Variants in MYBBP1A observed in about 807,000 individuals in gnomAD.
MYBBP1A encodes myb-binding protein 1A.
In MYBBP1A, 147 loss-of-function variants were observed where a neutral mutation model predicts 136.3. That is an observed-to-expected ratio of 1.08 (90% CI 0.94 to 1.24). MYBBP1A has a LOEUF of 1.24. Among genes scored for constraint, MYBBP1A ranks in the 50% most tolerant of loss-of-function variants. MYBBP1A has a pLI of 0.00. For missense variants in MYBBP1A, 2,060 were observed against 1,727.4 expected, an observed-to-expected ratio of 1.19 and a Z score of -3.41; for synonymous variants, 947 against 735.8, an observed-to-expected ratio of 1.29 and a Z score of -4.65.
rs1907615780 is a variant in MYBBP1A at position 4,552,524 on chromosome 17, G to A, written c.664C>T (p.Gln222Ter). ...PEQLELFLLAQQKVPSKLKKL... is the reference protein window; with the variant it reads ...PEQLELFLLA ...TTGAGCTTGGAGGGCACCTTCTGCT[G>A]GGCCAGGAGGAAGAGCTCTAGCTGT... Residue 222 changes from glutamine to a stop codon, truncating the protein, a stop_gained, in exon 6 of 26, where the codon CAG (glutamine) becomes TAG (stop). Coordinates refer to ENST00000254718, the MANE Select transcript of MYBBP1A (RefSeq NM_014520.4). LOFTEE classifies it high-confidence loss of function. This position sits in a 1 kb window ranked among gnomAD's most constrained non-coding sequence, Gnocchi z 4.7. 1.2e-6 allele frequency: 2 copies of A among 1,614,002 alleles called. No homozygotes were observed. Among genetic ancestry groups the A allele is most frequent in the Admixed American group, 1.7e-5 (1 of 60,026 alleles).
intron 22 of MYBBP1A, 119 bp downstream of exon 22, chr17:4,542,345 G>C: frequency 8.5e-7 from 1 of 1,181,304 alleles, no homozygotes; most frequent in South Asian, 1.5e-5. Flanking sequence ...AGTGGGGCAG[G>C]GACAGCTGTG....
rs751081285 is a variant in MYBBP1A at position 4,541,494 on chromosome 17, A to G, written c.3266T>C (p.Leu1089Pro). ...HQQALSSLEL[L>P]NVLFRTCKHE... is the part of the protein sequence containing the mutation. Reference sequence around the variant, plus strand: ...TTTGCAGGTCCTGAAGAGAACGTTGAGCAGCTCCAGGGAGGACAGTGCCTG... The same window carrying G: ...TTTGCAGGTCCTGAAGAGAACGTTGGGCAGCTCCAGGGAGGACAGTGCCTG... Residue 1089 changes from leucine to proline, a missense_variant, in exon 24 of 26, where the codon CTC becomes CCC. Physicochemically the swap from Leu to Pro is moderately conservative, Grantham distance 98 (BLOSUM62 -3). Coordinates refer to ENST00000254718, the MANE Select transcript of MYBBP1A (RefSeq NM_014520.4). 5 of 1,613,466 alleles carry G rather than the reference A, an allele frequency of 3.1e-6. No homozygotes were observed. The South Asian group carries it at 3.3e-5, about 11-fold the overall frequency.
intron 19 of MYBBP1A, chr17:4,543,369 C>G: frequency 1.5e-6 from 1 of 664,090 alleles, no homozygotes; most frequent in Non-Finnish European, 2.5e-6. Context: ...GTGACAGGGG[C>G]GCTCCAGGGG....
rs1555539556 is a variant in MYBBP1A at position 4,540,924 on chromosome 17, A to AGGCCCCGTCCCGGGCCCCATCCCG, written c.3298-441_3298-440insCGGGATGGGGCCCGGGACGGGGCC. Among the ~76,000 whole-genome samples the AGGCCCCGTCCCGGGCCCCATCCCG allele has an allele frequency of 7.3e-5, 11 of 151,400 alleles. No individual in the cohort carries two copies. In the South Asian group the frequency reaches 2.3e-3, roughly 32 times the overall value. On this transcript the variant is annotated intron_variant, in intron 24 of 25. Coordinates refer to ENST00000254718, the MANE Select transcript of MYBBP1A (RefSeq NM_014520.4). Reference sequence around the variant, plus strand: ...TTCCTCACTATCAGCCAGTTTTGTAAGGCCCCGTCCCGGGCCCCGCCTCTG... The same window carrying AGGCCCCGTCCCGGGCCCCATCCCG: ...TTCCTCACTATCAGCCAGTTTTGTAAGGCCCCGTCCCGGGCCCCATCCCGGGCCCCGTCCCGGGCCCCGCCTCTG...
rs375931779 is a variant in MYBBP1A, at chr17:4,540,285, T to C, written c.3434+63A>G. ...AGCGTGTGTGCAGCGTGTGTGTGTG[T>C]GCAGCAGCGTGAGGGTGTTCCCAGC... On this transcript the variant is annotated intron_variant, in intron 25 of 25. Transcript: ENST00000254718. 3,046 of 1,534,708 alleles carry C rather than the reference T, an allele frequency of 2.0e-3. 35 individuals are homozygous for C. The South Asian group carries it at 0.024, about 12-fold the overall frequency.
At chr17:4,554,388 G>T in intron 2 of MYBBP1A, 110 bp from the exon 3 acceptor site, 1 of 851,380 alleles carries the variant, frequency 1.2e-6, no homozygotes, top group Non-Finnish European at 1.9e-6. Context: ...GAAGCCTCAG[G>T]TCCCTAGTCC....
Position 4,540,461 on chromosome 17 carries a change from C to T in MYBBP1A, c.3321G>A (p.Val1107=), listed in dbSNP as rs74822499. 5,981 of 1,610,336 alleles carry T rather than the reference C, an allele frequency of 3.7e-3. 170 individuals carry two copies. The East Asian group carries it at 0.064, about 17-fold the overall frequency. ...GTTGCCCCTGCAGCACACCCAGGAG[C>T]ACCGTCAGGTCCAAGGTCAGCTTCT... ...KHEKLTLDLT[V]LLGVLQGQQQ... The change falls in exon 25 of 26, where the codon GTG becomes GTA. Residue 1107 remains valine (V), a synonymous_variant. Coordinates refer to ENST00000254718, the MANE Select transcript of MYBBP1A (RefSeq NM_014520.4).
rs751944880 is a variant in MYBBP1A at position 4,545,152 on chromosome 17, G to A, written c.2184C>T (p.Asp728=). ...GAEDKSEEGE[D]NRSSESEEES... ...CCTCTTCACTCTCTGAGCTTCTGTT[G>A]TCCTCACCTTCCTCGCTCTTGTCCT... is the stretch of plus-strand genomic sequence containing the variant. Residue 728 remains aspartate, a synonymous_variant, in exon 17 of 26, where the codon GAC becomes GAT. Coordinates refer to ENST00000254718, the MANE Select transcript of MYBBP1A (RefSeq NM_014520.4). 6.2e-7 allele frequency: 1 copy of A among 1,613,152 alleles called. No individual in the cohort carries two copies. The highest frequency in any genetic ancestry group is 1.1e-5 in the South Asian group (1 of 91,036).
At chr17:4,546,812 T>C (rs1907056828) in intron 13 of MYBBP1A, among the ~76,000 whole-genome samples, 1 of 152,116 alleles carries the variant, frequency 6.6e-6, no homozygotes, top group Non-Finnish European at 1.5e-5. Context: ...GCTTGAACGT[T>C]TAGGCCAGGG....
Position 4,552,293 on chromosome 17 carries a change from C to T in MYBBP1A, c.738-1G>A, listed in dbSNP as rs1907593447. ...GGCCATCTTCAGCACATTCACCAGC[C>T]TGCGGAGGGCAAGGGACTCAGGGAA... On this transcript the variant is annotated splice_acceptor_variant, in intron 6 of 25. Coordinates refer to ENST00000254718, the MANE Select transcript of MYBBP1A (RefSeq NM_014520.4). LOFTEE classifies it high-confidence loss of function. This position sits in a 1 kb window ranked among gnomAD's most constrained non-coding sequence, Gnocchi z 4.7. The T allele has an allele frequency of 6.2e-7, 1 of 1,613,862 alleles. No homozygotes were observed. The highest frequency in any genetic ancestry group is 1.3e-5 in the African/African-American group (1 of 74,938).
chr17:4,541,955 G>A (rs1906477869), intron 22 of MYBBP1A, 64 bp from the exon 23 acceptor site: 1 of 1,367,050 alleles, frequency 7.3e-7, no homozygotes, highest in Non-Finnish European at 1.0e-6. Flanking sequence ...GCTCAGGGAT[G>A]CATGAGGGCT....
Position 4,554,394 on chromosome 17 carries a change from AGTCCCACCTTCT to A in MYBBP1A, c.295-128_295-117del, listed in dbSNP as rs1907838355. The A allele has an allele frequency of 9.9e-6, 8 of 807,310 alleles. No individual in the cohort carries two copies. In the East Asian group the frequency reaches 2.0e-4, roughly 20 times the overall value. 50.0% of individuals were successfully genotyped at this position (807,310 alleles called of 1,614,324 possible). On this transcript the variant is annotated intron_variant, in intron 2 of 25. Coordinates refer to ENST00000254718, the MANE Select transcript of MYBBP1A (RefSeq NM_014520.4). ...TTCTCCCAAGAAGCCTCAGGTCCCT[AGTCCCACCTTCT>A]ATGTACCTTCTATGGCCCCTAGATT...
chr17:4,554,361 C>T (rs1727590919), intron 2 of MYBBP1A, 83 bp from the exon 3 acceptor site: 1 of 1,213,626 alleles, frequency 8.2e-7, no homozygotes. Context: ...CTCCCTTCCC[C>T]CTTCAACTTC....
rs1433681903 is a variant in MYBBP1A, at chr17:4,540,378, T to C, written c.3404A>G (p.Tyr1135Cys). ...TCCCAGGGTTTTCATGGCCTGCCAG[T>C]AGAGGTCGTGCAGGCGGCTGGAGCC... ...STGSSRLHDLYWQAMKTLGVQ... is the reference protein window; with the variant it reads ...STGSSRLHDLCWQAMKTLGVQ... Residue 1135 changes from tyrosine to cysteine, a missense_variant, in exon 25 of 26, where the codon TAC (tyrosine) becomes TGC (cysteine). Tyr to Cys is a radical substitution (Grantham distance 194). Transcript: ENST00000254718. 1 of 1,609,546 alleles carries C rather than the reference T, an allele frequency of 6.2e-7. No homozygotes were observed. Among genetic ancestry groups the C allele is most frequent in the Admixed American group, 1.7e-5 (1 of 59,978 alleles).
rs764983607 is a variant in MYBBP1A at position 4,552,296 on chromosome 17, C to T, written c.738-4G>A. ...CATCTTCAGCACATTCACCAGCCTG[C>T]GGAGGGCAAGGGACTCAGGGAACAC... On this transcript the variant is annotated splice_polypyrimidine_tract_variant and splice_region_variant and intron_variant, in intron 6 of 25. Transcript: ENST00000254718. The surrounding 1 kb of genome is among the most constrained non-coding windows in gnomAD (Gnocchi z 4.7). The T allele has an allele frequency of 2.6e-5, 42 of 1,613,700 alleles. No homozygotes were observed. The highest frequency in any genetic ancestry group is 3.3e-4 in the Middle Eastern group (2 of 6,082).
At chr17:4,542,000 T>C in intron 22 of MYBBP1A, 109 bp from the exon 23 acceptor site, 1 of 764,046 alleles carries the variant, frequency 1.3e-6, no homozygotes, top group Non-Finnish European at 2.1e-6. Context: ...GGGCAGCGTG[T>C]GAGGCTGCCT....
In MYBBP1A at chr17:4,539,399, G is replaced by GGGCCCGTACCTGTGCTCAGGGC. The variant is rs1906129894; in HGVS notation, c.3981_*15dup. On this transcript the variant is annotated 3_prime_UTR_variant, in exon 26 of 26. Coordinates refer to ENST00000254718, the MANE Select transcript of MYBBP1A (RefSeq NM_014520.4). Reference sequence around the variant, plus strand: ...GGCAGATGGAGGCAGGGGCTGAGGGGGGCCCGTACCTGTGCTCAGGGCTTC... The same window carrying GGGCCCGTACCTGTGCTCAGGGC: ...GGCAGATGGAGGCAGGGGCTGAGGGGGGCCCGTACCTGTGCTCAGGGCGGCCCGTACCTGTGCTCAGGGCTTC... 1 of 1,578,238 alleles carries GGGCCCGTACCTGTGCTCAGGGC rather than the reference G, an allele frequency of 6.3e-7. No individual in the cohort carries two copies. Among genetic ancestry groups the GGGCCCGTACCTGTGCTCAGGGC allele is most frequent in the Non-Finnish European group, 8.6e-7 (1 of 1,160,808 alleles).
At position 4,553,826 on chromosome 17, in the gene MYBBP1A, A is replaced by G; in HGVS notation, c.545T>C (p.Val182Ala). 1 of 1,613,952 alleles carries G rather than the reference A, an allele frequency of 6.2e-7. No individual in the cohort carries two copies. Among genetic ancestry groups the G allele is most frequent in the South Asian group, 1.1e-5 (1 of 91,080 alleles). The change falls in exon 5 of 26, where the codon GTG becomes GCG. Residue 182 changes from valine to alanine, a missense_variant. Physicochemically the swap from Val to Ala is moderately conservative, Grantham distance 64. Transcript: ENST00000254718. ...HLQEQPRKAL[V>A]DILSEVSKAT... ...AGCTCATACCTCGGAGAGGATGTCC[A>G]CCAGGGCCTTCCGGGGCTGCTCCTG... is the stretch of plus-strand genomic sequence containing the variant.
At position 4,555,358 on chromosome 17, in the gene MYBBP1A, T is replaced by C. The variant is rs767252345; in HGVS notation, c.-34A>G. 83 of 1,568,108 alleles carry C rather than the reference T, an allele frequency of 5.3e-5. No homozygotes were observed. Among genetic ancestry groups the C allele is most frequent in the Non-Finnish European group, 7.1e-5 (82 of 1,156,784 alleles). ...CACTCACCGAAACACGAAACACGTGTGCTCCGGCCCCAGCCGCTTCCAGGT... is the reference window on the plus strand; with the variant it reads ...CACTCACCGAAACACGAAACACGTGCGCTCCGGCCCCAGCCGCTTCCAGGT... On this transcript the variant is annotated 5_prime_UTR_variant, in exon 1 of 26. Transcript: ENST00000254718.
Sources: allele counts gnomAD v4.1 joint callset (sites outside exome capture counted in the v4.1 genomes callset), GRCh38; gene constraint gnomAD v4.1.1; non-coding constraint Gnocchi (gnomAD v3.1); transcripts MANE v1.5; gene names NCBI Gene and HGNC (gene_info 2026-07-23, HGNC 2026-07-21).